SIPA1L3: variants seen among roughly 807,000 people sequenced by gnomAD.
SIPA1L3 encodes signal-induced proliferation-associated 1-like protein 3.
SIPA1L3 carries 59 observed loss-of-function variants against 150.1 expected under a neutral mutation model. The ratio of observed to expected loss-of-function variants is 0.39; its 90% CI spans 0.32 to 0.49. The LOEUF (loss-of-function observed/expected upper bound fraction) is 0.49. Ranked by LOEUF, SIPA1L3 falls within the 20% of genes least tolerant of loss-of-function variation. The pLI, the probability that SIPA1L3 is intolerant of heterozygous loss-of-function variation, is 0.86. For synonymous variants in SIPA1L3, 1,070 were observed against 1,077.6 expected (o/e 0.99, Z 0.14); for missense variants, 2,211 against 2,489.5 (o/e 0.89, Z 2.38).
chr19:38,143,346 G>A (rs763090889), intron 12 of SIPA1L3, among the ~76,000 whole-genome samples: 4 of 152,042 alleles, frequency 2.6e-5, no homozygotes, highest in Admixed American at 1.3e-4. Context: ...GGCCTGAGCT[G>A]TGGCCCTCAT....
chr19:38,081,741 C>A lies in SIPA1L3; in HGVS notation c.176C>A (p.Ala59Asp). Residue 59 changes from alanine (A) to aspartate (D), a missense_variant, in exon 3 of 22, where the codon GCC (alanine) becomes GAC (aspartate). By Grantham distance (126) the Ala-to-Asp change is moderately radical. Transcript: ENST00000222345. ...PLGESPATAT[A>D]TATATTRPSP... ...GGCGAGAGCCCGGCCACCGCCACCGCCACCGCCACCGCCACCACCCGCCCC... is the reference window on the plus strand; with the variant it reads ...GGCGAGAGCCCGGCCACCGCCACCGACACCGCCACCGCCACCACCCGCCCC... The A allele has an allele frequency of 6.3e-7, 1 of 1,598,088 alleles. No homozygotes were observed.
chr19:37,959,307 C>T (rs940150608), intron 1 of SIPA1L3, among the ~76,000 whole-genome samples: 5 of 152,034 alleles, frequency 3.3e-5, no homozygotes, highest in Non-Finnish European at 7.4e-5. Context: ...AAACAGAATG[C>T]GATATAGACC....
chr19:38,158,958 C>T (rs1002851815), intron 13 of SIPA1L3, among the ~76,000 whole-genome samples: 3 of 152,186 alleles, frequency 2.0e-5, no homozygotes, highest in African/African-American at 4.8e-5. Flanking sequence ...TGGAGTTGTC[C>T]GTTGTCTGTG....
At chr19:37,924,788 C>G (rs1195924073) in intron 1 of SIPA1L3, among the ~76,000 whole-genome samples, 1 of 151,976 alleles carries the variant, frequency 6.6e-6, no homozygotes, top group Admixed American at 6.6e-5. Context: ...GTGGCTCACG[C>G]CTGTAATCCC....
At chr19:38,083,243 G>C in intron 3 of SIPA1L3, 144 bp downstream of exon 3, 1 of 885,860 alleles carries the variant, frequency 1.1e-6, no homozygotes, top group South Asian at 1.7e-5. Context: ...CTGGAGGGCT[G>C]TGAGGATCCG....
At chr19:38,091,184 G>A (rs897130814) in intron 4 of SIPA1L3, among the ~76,000 whole-genome samples, 2 of 152,080 alleles carry the variant, frequency 1.3e-5, no homozygotes, top group African/African-American at 4.8e-5. Context: ...CCTGGAGTTC[G>A]AGACCAGCCT....
intron 1 of SIPA1L3, among the ~76,000 whole-genome samples, chr19:38,018,024 A>G (rs1270280776): frequency 4.6e-5 from 7 of 151,234 alleles, no homozygotes; most frequent in African/African-American, 1.5e-4. Flanking sequence ...ATCCAGCCAC[A>G]TGGGCTCCCT....
intron 1 of SIPA1L3, among the ~76,000 whole-genome samples, chr19:37,986,506 G>C (rs1412123574): frequency 6.6e-6 from 1 of 152,204 alleles, no homozygotes; most frequent in Admixed American, 6.5e-5. Context: ...CCTTTGCTGG[G>C]GAAAAGCAGG....
chr19:37,993,799 C>T (rs564079779), intron 1 of SIPA1L3, among the ~76,000 whole-genome samples: 15 of 152,318 alleles, frequency 9.8e-5, no homozygotes, highest in African/African-American at 3.6e-4. Context: ...CAGAGGATTC[C>T]ACCAGATTGT....
intron 2 of SIPA1L3, among the ~76,000 whole-genome samples, chr19:38,065,095 A>G (rs1336534411): frequency 6.6e-6 from 1 of 152,276 alleles, no homozygotes; most frequent in Admixed American, 6.5e-5. Context: ...AAGTTCAGTT[A>G]TACCAGGTAG....
chr19:38,054,601 A>G (rs1002186374), intron 2 of SIPA1L3, among the ~76,000 whole-genome samples: 1 of 150,274 alleles, frequency 6.7e-6, no homozygotes, highest in Non-Finnish European at 1.5e-5. Context: ...CATCTCAAAA[A>G]AAAAGGAAAT....
At chr19:38,089,343 A>G (rs573902446) in intron 4 of SIPA1L3, among the ~76,000 whole-genome samples, 168 of 151,950 alleles carry the variant, frequency 1.1e-3, no homozygotes, top group African/African-American at 3.7e-3. Flanking sequence ...AAAAAAAAAA[A>G]AAAAGAAAAA....
intron 1 of SIPA1L3, among the ~76,000 whole-genome samples, chr19:37,946,094 G>A (rs2046708516): frequency 6.6e-6 from 1 of 151,634 alleles, no homozygotes; most frequent in Non-Finnish European, 1.5e-5. Flanking sequence ...GGCAGAGGTT[G>A]CAATGAACCA....
intron 1 of SIPA1L3, among the ~76,000 whole-genome samples, chr19:37,955,018 C>T (rs1349663262): frequency 2.2e-5 from 3 of 133,708 alleles, no homozygotes; most frequent in Non-Finnish European, 3.0e-5. Context: ...ACACAGGAGG[C>T]GGGGGTTGCA....
At chr19:38,132,649 C>T (rs555186815) in intron 10 of SIPA1L3, among the ~76,000 whole-genome samples, 2 of 142,434 alleles carry the variant, frequency 1.4e-5, no homozygotes, top group Non-Finnish European at 3.1e-5. Context: ...TCTTGAGGCT[C>T]TTTTTTTTTT....
intron 1 of SIPA1L3, among the ~76,000 whole-genome samples, chr19:37,983,788 C>A (rs150128763): frequency 2.2e-4 from 34 of 151,600 alleles, no homozygotes; most frequent in African/African-American, 8.0e-4. Context: ...CATCTGAGGT[C>A]TCAGCTACTC....
chr19:38,069,891 G>C (rs1969678251), intron 2 of SIPA1L3, among the ~76,000 whole-genome samples: 1 of 151,250 alleles, frequency 6.6e-6, no homozygotes, highest in African/African-American at 2.4e-5. Context: ...GGCCAGGCTG[G>C]TCTTGAACTC....
intron 18 of SIPA1L3, among the ~76,000 whole-genome samples, chr19:38,194,020 C>G (rs1972865379): frequency 6.6e-6 from 1 of 152,030 alleles, no homozygotes; most frequent in African/African-American, 2.4e-5. Context: ...CAGAAGCACC[C>G]AAGGATTGGA....
chr19:38,074,781 T>G (rs1325826286), intron 2 of SIPA1L3, among the ~76,000 whole-genome samples: 1 of 152,246 alleles, frequency 6.6e-6, no homozygotes, highest in African/African-American at 2.4e-5. Flanking sequence ...TGTTTGATTT[T>G]TGAGATAGAG....
Sources: gnomAD v4.1 joint callset for allele counts (sites outside exome capture counted in the v4.1 genomes callset) on GRCh38, gnomAD v4.1.1 for gene constraint, MANE v1.5 for transcripts, NCBI Gene and HGNC (gene_info 2026-07-23, HGNC 2026-07-21) for gene names.